FRMD4A: variants seen among roughly 807,000 people sequenced by gnomAD.
FRMD4A encodes the protein FERM domain-containing protein 4A.
FRMD4A carries 29 observed loss-of-function variants against 129.1 expected under a neutral mutation model. That is an observed-to-expected ratio of 0.22 (90% confidence interval 0.17 to 0.31). The LOEUF (loss-of-function observed/expected upper bound fraction) is 0.31, where lower values mean the gene tolerates loss of function less well. FRMD4A is among the 10% of genes least tolerant of loss of function. The pLI is 1.00. For missense variants in FRMD4A, 1,272 were observed against 1,375.8 expected, an observed-to-expected ratio of 0.92 and a Z score of 1.19; for synonymous variants, 634 against 571.6, an observed-to-expected ratio of 1.11 and a Z score of -1.56.
chr10:13,978,776 C>T (rs569642639), intron 2 of FRMD4A, among the ~76,000 whole-genome samples: 9 of 152,194 alleles, frequency 5.9e-5, no homozygotes, highest in African/African-American at 2.2e-4. Flanking sequence ...GGAGAATAAC[C>T]TTTTAAAAAT....
At chr10:13,838,738 C>A (rs561827394) in intron 3 of FRMD4A, among the ~76,000 whole-genome samples, 27 of 152,222 alleles carry the variant, frequency 1.8e-4, no homozygotes, top group Admixed American at 1.4e-3. Context: ...AGTGATACGC[C>A]TGCCTCAGCC....
intron 2 of FRMD4A, among the ~76,000 whole-genome samples, chr10:14,321,794 C>T (rs922601841): frequency 1.8e-4 from 27 of 152,274 alleles, no homozygotes; most frequent in Non-Finnish European, 3.2e-4. Context: ...TGTGTCCCTG[C>T]CCAAATCTCA....
intron 2 of FRMD4A, among the ~76,000 whole-genome samples, chr10:14,223,833 C>T (rs1416472468): frequency 1.3e-5 from 2 of 151,544 alleles, no homozygotes; most frequent in South Asian, 2.1e-4. Context: ...GATATTCTAG[C>T]AACCCCACAT....
Position 13,931,873 on chromosome 10 carries a change from C to T in FRMD4A, c.46-72961G>A, listed in dbSNP as rs554553316. 4.6e-5 allele frequency among the ~76,000 whole-genome samples: 7 copies of T among 151,898 alleles called. No individual in the cohort carries two copies. The South Asian group carries it at 6.2e-4, about 14-fold the overall frequency. Reference sequence around the variant, plus strand: ...CTGAGGCAGGAGAATCGCTTGAACCCGGGAGGTGGAGGTTGCAATAAGCCA... The same window carrying T: ...CTGAGGCAGGAGAATCGCTTGAACCTGGGAGGTGGAGGTTGCAATAAGCCA... On this transcript the variant is annotated intron_variant, in intron 2 of 24. Transcript: ENST00000357447.
chr10:14,014,055 G>T (rs972827779), intron 2 of FRMD4A, among the ~76,000 whole-genome samples: 1 of 152,172 alleles, frequency 6.6e-6, no homozygotes, highest in Admixed American at 6.5e-5. Flanking sequence ...TGAAGACAGC[G>T]CAGTGAGTAT....
At chr10:13,721,591 G>A (rs976176174) in intron 12 of FRMD4A, among the ~76,000 whole-genome samples, 1 of 152,162 alleles carries the variant, frequency 6.6e-6, no homozygotes, top group Admixed American at 6.6e-5. Context: ...AAAGCTCCCC[G>A]ACCCTTGTCA....
intron 2 of FRMD4A, among the ~76,000 whole-genome samples, chr10:13,943,656 A>C (rs2095310180): frequency 9.7e-6 from 1 of 103,024 alleles, no homozygotes; most frequent in Admixed American, 1.0e-4. Flanking sequence ...CAAAAAAAAA[A>C]AAAAAAAAAA....
At chr10:13,804,163 A>C (rs2093315764) in intron 4 of FRMD4A, among the ~76,000 whole-genome samples, 1 of 152,334 alleles carries the variant, frequency 6.6e-6, no homozygotes, top group South Asian at 2.1e-4. Context: ...TCCCAGAAGC[A>C]GTTATTACAA....
chr10:14,202,060 C>T (rs1179945048), intron 2 of FRMD4A, among the ~76,000 whole-genome samples: 2 of 152,038 alleles, frequency 1.3e-5, no homozygotes, highest in Non-Finnish European at 2.9e-5. Flanking sequence ...ATTGCTTGAA[C>T]CCGGGAGGGG....
At chr10:14,298,889 T>C (rs566302648) in intron 2 of FRMD4A, among the ~76,000 whole-genome samples, 30 of 152,292 alleles carry the variant, frequency 2.0e-4, no homozygotes, top group African/African-American at 7.2e-4. Flanking sequence ...CCTTTCCGGA[T>C]TGAAGCAGGA....
At chr10:13,796,287 T>TAC (rs1481737438) in intron 5 of FRMD4A, among the ~76,000 whole-genome samples, 4 of 152,142 alleles carry the variant, frequency 2.6e-5, no homozygotes, top group Non-Finnish European at 5.9e-5. Flanking sequence ...AAATGCATAA[T>TAC]ACACACATCC....
chr10:14,298,087 T>A (rs757012978), intron 2 of FRMD4A, among the ~76,000 whole-genome samples: 3 of 152,198 alleles, frequency 2.0e-5, no homozygotes, highest in Non-Finnish European at 4.4e-5. Flanking sequence ...TGCTTCTTTA[T>A]CTAAGTTTGC....
At chr10:14,107,716 TC>T (rs1173848357) in intron 2 of FRMD4A, among the ~76,000 whole-genome samples, 2 of 152,210 alleles carry the variant, frequency 1.3e-5, no homozygotes, top group Admixed American at 1.3e-4. Context: ...CTTTCTCACC[TC>T]ACTTTTGCAT....
chr10:14,030,580 CT>C (rs1466915743), intron 2 of FRMD4A, among the ~76,000 whole-genome samples: 2 of 152,148 alleles, frequency 1.3e-5, no homozygotes, highest in East Asian at 3.8e-4. Context: ...AAAACAAGCC[CT>C]TTTGATGGCC....
At chr10:14,277,672 C>A (rs1484693103) in intron 2 of FRMD4A, among the ~76,000 whole-genome samples, 2 of 152,240 alleles carry the variant, frequency 1.3e-5, no homozygotes, top group African/African-American at 4.8e-5. Flanking sequence ...CCTCAGTGAA[C>A]CTTGAGGCAA....
chr10:14,008,897 G>C (rs2095671641), intron 2 of FRMD4A, among the ~76,000 whole-genome samples: 1 of 152,198 alleles, frequency 6.6e-6, no homozygotes, highest in Non-Finnish European at 1.5e-5. Flanking sequence ...AGTCCACAGA[G>C]AGAAAGTATG....
rs549052578 is a variant in FRMD4A at position 13,984,235 on chromosome 10, G to T, written c.46-125323C>A. Among the ~76,000 whole-genome samples the T allele has an allele frequency of 1.2e-4, 19 of 152,290 alleles. No individual in the cohort carries two copies. In the South Asian group the frequency reaches 3.7e-3, roughly 30 times the overall value. ...ATGGCGGGGTTTTATGAAGTCGAAC[G>T]TGTGTCCAGAGCCCAGGGGTGAAGT... On this transcript the variant is annotated intron_variant, in intron 2 of 24. Coordinates refer to ENST00000357447, the MANE Select transcript of FRMD4A (RefSeq NM_018027.5).
At chr10:14,040,281 C>T (rs915717509) in intron 2 of FRMD4A, among the ~76,000 whole-genome samples, 10 of 152,020 alleles carry the variant, frequency 6.6e-5, no homozygotes, top group Admixed American at 5.9e-4. Flanking sequence ...TCCCTGTCAC[C>T]GAGAGAAAAT....
At chr10:13,974,523 C>CTGAT (rs937319964) in intron 2 of FRMD4A, among the ~76,000 whole-genome samples, 7 of 151,602 alleles carry the variant, frequency 4.6e-5, no homozygotes, top group Non-Finnish European at 8.8e-5. Flanking sequence ...CTAGCCTTGA[C>CTGAT]TGATTGATTG....
Sources: allele counts gnomAD v4.1 joint callset (sites outside exome capture counted in the v4.1 genomes callset), GRCh38; gene constraint gnomAD v4.1.1; transcripts MANE v1.5; gene names NCBI Gene and HGNC (gene_info 2026-07-23, HGNC 2026-07-21).